LNPEP: variants seen among roughly 807,000 people sequenced by gnomAD.
LNPEP encodes the protein leucyl and cystinyl aminopeptidase.
A neutral mutation model predicts 120.6 loss-of-function variants in LNPEP; 64 were observed. The observed-to-expected ratio is 0.53, with a 90% CI of 0.43 to 0.65. The LOEUF (loss-of-function observed/expected upper bound fraction) is 0.65, where lower values mean the gene tolerates loss of function less well. Among genes scored for constraint, LNPEP ranks in the 30% least tolerant of loss-of-function variants. The pLI is 0.00. For synonymous variants in LNPEP, 435 were observed against 425.4 expected (o/e 1.02, Z -0.28); for missense variants, 1,057 against 1,200.0 (o/e 0.88, Z 1.76).
intron 11 of LNPEP, among the ~76,000 whole-genome samples, chr5:97,008,188 G>A (rs1790831523): frequency 6.6e-6 from 1 of 152,114 alleles, no homozygotes; most frequent in South Asian, 2.1e-4. Context: ...CATGGCTGGA[G>A]TATTTGCAAG....
intron 1 of LNPEP, among the ~76,000 whole-genome samples, chr5:96,945,758 C>T (rs1789171966): frequency 6.6e-6 from 1 of 152,036 alleles, no homozygotes; most frequent in African/African-American, 2.4e-5. Context: ...TTTGGAATGC[C>T]CTTGGCCGTT....
At chr5:96,989,349 T>TATA (rs1466420594) in intron 4 of LNPEP, among the ~76,000 whole-genome samples, 2 of 22,196 alleles carry the variant, frequency 9.0e-5, no homozygotes, top group African/African-American at 3.7e-4. Flanking sequence ...ATATATAATA[T>TATA]ATTATATATT....
chr5:96,976,432 A>T (rs1474385126), intron 1 of LNPEP, among the ~76,000 whole-genome samples: 1 of 152,186 alleles, frequency 6.6e-6, no homozygotes, highest in Non-Finnish European at 1.5e-5. Context: ...GAAATTAATG[A>T]CATGCAGACA....
At chr5:97,027,010 C>A (rs527422205) in intron 16 of LNPEP, among the ~76,000 whole-genome samples, 1 of 152,168 alleles carries the variant, frequency 6.6e-6, no homozygotes, top group Admixed American at 6.5e-5. Flanking sequence ...CTTAGCTCAG[C>A]GTGGCTACAG....
intron 4 of LNPEP, among the ~76,000 whole-genome samples, chr5:96,987,449 G>C: frequency 6.6e-6 from 1 of 152,074 alleles, no homozygotes; most frequent in East Asian, 1.9e-4. Flanking sequence ...AGCTCTACCA[G>C]GGAATATACT....
At chr5:96,942,877 AAAAT>A (rs757982448) in intron 1 of LNPEP, 40 of 153,056 alleles carry the variant, frequency 2.6e-4, no homozygotes, top group East Asian at 7.7e-4. Flanking sequence ...GTATAATAAA[AAAAT>A]AAATAAATAA....
At position 97,033,807 on chromosome 5, in the gene LNPEP, T is replaced by C. The variant is rs1229679572; in HGVS notation, c.*5274T>C. 6.6e-6 allele frequency: 1 copy of C among 152,154 alleles called. No homozygotes were observed. The highest frequency in any genetic ancestry group is 1.5e-5 in the Non-Finnish European group (1 of 68,036). 9.4% of individuals were successfully genotyped at this position (152,154 alleles called of 1,614,324 possible). ...TTTATTTCTTTATTATAGTGTTTCA[T>C]TGGGTACCCGGTCCTTCACTTGGAT... On this transcript the variant is annotated 3_prime_UTR_variant, in exon 18 of 18. Coordinates refer to ENST00000231368, the MANE Select transcript of LNPEP (RefSeq NM_005575.3).
At chr5:97,028,178 A>G (rs919772925) in intron 17 of LNPEP, among the ~76,000 whole-genome samples, 4 of 152,222 alleles carry the variant, frequency 2.6e-5, no homozygotes, top group Non-Finnish European at 4.4e-5. Context: ...AGAAAAATGT[A>G]TCTGTGTGGG....
intron 8 of LNPEP, 35 bp from the exon 9 acceptor site, chr5:97,003,380 T>C: frequency 3.3e-6 from 4 of 1,222,582 alleles, no homozygotes; most frequent in Non-Finnish European, 3.4e-6. Flanking sequence ...TATTCTATTA[T>C]TTTCTTTCTT....
chr5:96,978,254 A>C (rs1341135741), intron 1 of LNPEP, among the ~76,000 whole-genome samples: 1 of 151,992 alleles, frequency 6.6e-6, no homozygotes, highest in Non-Finnish European at 1.5e-5. Flanking sequence ...CTTTTTTCTC[A>C]GTGATTTTGG....
intron 1 of LNPEP, among the ~76,000 whole-genome samples, chr5:96,949,052 G>A (rs1027463593): frequency 4.6e-5 from 7 of 152,196 alleles, no homozygotes; most frequent in Non-Finnish European, 7.3e-5. Context: ...GGTGGTTTGA[G>A]CATATTCCAG....
chr5:96,981,835 T>TA (rs1360839564), intron 2 of LNPEP, among the ~76,000 whole-genome samples: 2 of 152,186 alleles, frequency 1.3e-5, no homozygotes, highest in South Asian at 4.1e-4. Context: ...AACAAACTGA[T>TA]ACTAAGAACT....
chr5:96,963,933 GC>G (rs1789664776), intron 1 of LNPEP, among the ~76,000 whole-genome samples: 1 of 151,924 alleles, frequency 6.6e-6, no homozygotes, highest in Non-Finnish European at 1.5e-5. Flanking sequence ...TTTGTAATAT[GC>G]AATATTTTAC....
Position 97,032,579 on chromosome 5 carries a change from C to G in LNPEP, c.*4046C>G, listed in dbSNP as rs915185601. On this transcript the variant is annotated 3_prime_UTR_variant, in exon 18 of 18. Transcript: ENST00000231368. Reference sequence around the variant, plus strand: ...ATCATCCTATGAAAATTTCATCTACCCTTCCCATTTTACCTGTATGGGCAG... The same window carrying G: ...ATCATCCTATGAAAATTTCATCTACGCTTCCCATTTTACCTGTATGGGCAG... 1 of 151,938 alleles carries G rather than the reference C, an allele frequency of 6.6e-6. No individual in the cohort carries two copies. Among genetic ancestry groups the G allele is most frequent in the Non-Finnish European group, 1.5e-5 (1 of 67,986 alleles). 9.4% of individuals were successfully genotyped at this position (151,938 alleles called of 1,614,324 possible).
chr5:96,949,302 C>T (rs27731), intron 1 of LNPEP, among the ~76,000 whole-genome samples: 4,697 of 152,296 alleles, frequency 0.031, 136 homozygotes, highest in South Asian at 0.089. Flanking sequence ...TGAGCGTTAC[C>T]GCCTGGGCGC....
At chr5:96,958,335 C>T in intron 1 of LNPEP, 1 of 307,802 alleles carries the variant, frequency 3.2e-6, no homozygotes, top group Non-Finnish European at 4.7e-6. Flanking sequence ...TGAGTTTTTC[C>T]AGTGATTTCA....
intron 1 of LNPEP, among the ~76,000 whole-genome samples, chr5:96,940,234 C>T (rs569090970): frequency 6.6e-6 from 1 of 152,218 alleles, no homozygotes; most frequent in Admixed American, 6.5e-5. Context: ...ATAAAAACAG[C>T]ATATTTTAGA....
At position 97,031,216 on chromosome 5, in the gene LNPEP, A is replaced by G. The variant is rs1376255376; in HGVS notation, c.*2683A>G. The G allele has an allele frequency of 2.0e-5, 3 of 151,506 alleles. No individual in the cohort carries two copies. The highest frequency in any genetic ancestry group is 6.6e-5 in the Admixed American group (1 of 15,164). 9.4% of individuals were successfully genotyped at this position (151,506 alleles called of 1,614,324 possible). A position where few individuals can be genotyped will look rare whatever the true frequency, so the allele number is the denominator to read the frequency against. ...TTGGAAATCTTGAGTTGTGGAAGAA[A>G]TGTTTATGCTTTGGAGATCTAAAAA... On this transcript the variant is annotated 3_prime_UTR_variant, in exon 18 of 18. Coordinates refer to ENST00000231368, the MANE Select transcript of LNPEP (RefSeq NM_005575.3).
chr5:96,948,052 T>C (rs1425941958), intron 1 of LNPEP, among the ~76,000 whole-genome samples: 1 of 152,182 alleles, frequency 6.6e-6, no homozygotes, highest in Non-Finnish European at 1.5e-5. Context: ...TTCATTCTTC[T>C]TTTATTGGGG....
Sources: allele counts gnomAD v4.1 joint callset (sites outside exome capture counted in the v4.1 genomes callset), GRCh38; gene constraint gnomAD v4.1.1; transcripts MANE v1.5; gene names NCBI Gene and HGNC (gene_info 2026-07-23, HGNC 2026-07-21).